MARK3: variants seen among roughly 807,000 people sequenced by gnomAD.
The protein encoded by MARK3 is microtubule affinity regulating kinase 3.
In MARK3, 46 loss-of-function variants were observed where a neutral mutation model predicts 90.1. That is an observed-to-expected ratio of 0.51 (90% CI 0.40 to 0.65). MARK3 has a LOEUF of 0.65. Among genes scored for constraint, MARK3 ranks in the 30% least tolerant of loss-of-function variants. MARK3 has a pLI of 0.00. For synonymous variants in MARK3, 321 were observed against 332.6 expected, an observed-to-expected ratio of 0.97 and a Z score of 0.38; for missense variants, 818 against 947.2, an observed-to-expected ratio of 0.86 and a Z score of 1.79.
rs1228731909 is a variant in MARK3, at chr14:103,386,098, T to C, written c.51+18T>C. ...CTGAAAACGTAAGTAACCTGGGCGT[T>C]GTAGTTGGCGGACCTTCGGGGTGGC... On this transcript the variant is annotated intron_variant, in intron 1 of 17. Transcript: ENST00000429436. 1 of 1,613,840 alleles carries C rather than the reference T, an allele frequency of 6.2e-7. No individual in the cohort carries two copies. The highest frequency in any genetic ancestry group is 8.5e-7 in the Non-Finnish European group (1 of 1,179,684).
intron 16 of MARK3, 141 bp from the exon 17 acceptor site, chr14:103,500,015 A>G (rs1470659215): frequency 1.4e-6 from 1 of 705,166 alleles, no homozygotes; most frequent in Non-Finnish European, 2.5e-6. Context: ...AAGAGTTTTC[A>G]TAAGCCCGGC....
chr14:103,503,208 C>G lies in MARK3; in HGVS notation c.2243C>G (p.Ala748Gly). ...TTCAAAAATATTGCTTCCAAAATTG[C>G]CAATGAGCTAAAGCTGTAACCCAGT... is the stretch of plus-strand genomic sequence containing the variant. ...IAFKNIASKIANELKL is the reference protein window; with the variant it reads ...IAFKNIASKIGNELKL The change falls in exon 18 of 18, where the codon GCC (alanine) becomes GGC (glycine). Residue 748 changes from alanine (A) to glycine (G), a missense_variant. By Grantham distance (60) the Ala-to-Gly change is moderately conservative (BLOSUM62 0). Coordinates refer to ENST00000429436, the MANE Select transcript of MARK3 (RefSeq NM_001128918.3). The G allele has an allele frequency of 6.2e-7, 1 of 1,610,712 alleles. No individual in the cohort carries two copies. Among genetic ancestry groups the G allele is most frequent in the Non-Finnish European group, 8.5e-7 (1 of 1,177,190 alleles).
rs561188228 is a variant in MARK3 at position 103,459,860 on chromosome 14, A to T, written c.484-2545A>T. Reference sequence around the variant, plus strand: ...GAGCTTATAAGTCATAATTACTTTGACTAAGTAAAACAAGTTTTTCTATTT... The same window carrying T: ...GAGCTTATAAGTCATAATTACTTTGTCTAAGTAAAACAAGTTTTTCTATTT... On this transcript the variant is annotated intron_variant, in intron 6 of 17. Transcript: ENST00000429436. Among the ~76,000 whole-genome samples, 130 of 151,828 alleles carry T rather than the reference A, an allele frequency of 8.6e-4. 1 individual carries two copies. Among genetic ancestry groups the T allele is most frequent in the African/African-American group, 3.1e-3 (127 of 41,422 alleles).
At chr14:103,457,269 T>C in intron 6 of MARK3, 57 bp downstream of exon 6, 3 of 1,311,906 alleles carry the variant, frequency 2.3e-6, no homozygotes, top group Non-Finnish European at 3.3e-6. Context: ...ACTTAAACCC[T>C]GAAGCAAACA....
At position 103,466,028 on chromosome 14, in the gene MARK3, A is replaced by G. The variant is rs1441498948; in HGVS notation, c.834A>G (p.Thr278=). ...ACAGAATTCCCTTCTACATGTCTAC[A>G]GACTGTGAAAACCTTCTCAAACGTT... is the stretch of plus-strand genomic sequence containing the variant. The part of the protein sequence containing the change: ...GKYRIPFYMS[T]DCENLLKRFL... The change falls in exon 9 of 18, where the codon ACA becomes ACG. Residue 278 remains threonine, a synonymous_variant. Coordinates refer to ENST00000429436, the MANE Select transcript of MARK3 (RefSeq NM_001128918.3). 1 of 1,614,030 alleles carries G rather than the reference A, an allele frequency of 6.2e-7. No individual in the cohort carries two copies. The highest frequency in any genetic ancestry group is 2.2e-5 in the East Asian group (1 of 44,876).
intron 3 of MARK3, among the ~76,000 whole-genome samples, chr14:103,448,411 C>T (rs1159416312): frequency 2.0e-5 from 3 of 152,158 alleles, no homozygotes; most frequent in Non-Finnish European, 4.4e-5. Flanking sequence ...GTCACCACAA[C>T]CTCCATGCTA....
intron 3 of MARK3, among the ~76,000 whole-genome samples, chr14:103,446,935 G>A (rs1305126535): frequency 6.6e-6 from 1 of 152,014 alleles, no homozygotes. Flanking sequence ...AAGAACTCAG[G>A]CCTGAATGGT....
In MARK3 at chr14:103,468,077, TAA is replaced by T; in HGVS notation, c.1156_1157del (p.Lys386GlyfsTer2). On this transcript the variant is annotated frameshift_variant, in exon 12 of 18. Coordinates refer to ENST00000429436, the MANE Select transcript of MARK3 (RefSeq NM_001128918.3). LOFTEE classifies it high-confidence loss of function. ...GTTCTAGCAGCAATCTTTCACTTGC[TAA>T]GGTTAGGCCGAGCAGTGATCTCAAC... ...SSSSSNLSLA[K>X]VRPSSDLNNS... The T allele has an allele frequency of 1.2e-6, 2 of 1,614,052 alleles. No individual in the cohort carries two copies. The highest frequency in any genetic ancestry group is 1.7e-6 in the Non-Finnish European group (2 of 1,179,972).
chr14:103,421,991 C>T (rs975471217), intron 2 of MARK3, among the ~76,000 whole-genome samples: 3 of 152,190 alleles, frequency 2.0e-5, no homozygotes, highest in Admixed American at 1.3e-4. Context: ...TTCCTTGTCT[C>T]CCAGGATGGC....
chr14:103,401,097 C>T (rs1355063096), intron 1 of MARK3, among the ~76,000 whole-genome samples: 1 of 151,644 alleles, frequency 6.6e-6, no homozygotes, highest in Non-Finnish European at 1.5e-5. Flanking sequence ...GTACTGAGTG[C>T]TGTGGCATAG....
At chr14:103,489,889 C>CT (rs1161733492) in intron 14 of MARK3, 1 of 152,192 alleles carries the variant, frequency 6.6e-6, no homozygotes, top group African/African-American at 2.4e-5. Flanking sequence ...TCCAGCCACT[C>CT]TATCTTACCA....
At chr14:103,465,475 C>T in intron 7 of MARK3, 82 bp from the exon 8 acceptor site, 1 of 944,148 alleles carries the variant, frequency 1.1e-6, no homozygotes, top group Non-Finnish European at 1.7e-6. Context: ...TTACAGAAAG[C>T]TTTTCTAAAA....
intron 4 of MARK3, among the ~76,000 whole-genome samples, chr14:103,450,087 C>T (rs1216898664): frequency 6.6e-6 from 1 of 151,950 alleles, no homozygotes; most frequent in Non-Finnish European, 1.5e-5. Context: ...TTCCTTGTTT[C>T]ATATACTACT....
At chr14:103,454,187 C>G (rs1293643444) in intron 5 of MARK3, among the ~76,000 whole-genome samples, 1 of 151,950 alleles carries the variant, frequency 6.6e-6, no homozygotes, top group Non-Finnish European at 1.5e-5. Context: ...GCTCAGTGCA[C>G]TTGGCAACAT....
At position 103,466,726 on chromosome 14, in the gene MARK3, C is replaced by T. The variant is rs141769677; in HGVS notation, c.997+284C>T. Among the ~76,000 whole-genome samples the T allele has an allele frequency of 2.7e-3, 414 of 152,200 alleles. 2 individuals carry two copies. The highest frequency in any genetic ancestry group is 9.5e-3 in the African/African-American group (396 of 41,520). On this transcript the variant is annotated intron_variant, in intron 10 of 17. Coordinates refer to ENST00000429436, the MANE Select transcript of MARK3 (RefSeq NM_001128918.3). ...ACCCTACAAAAGAATGATTTCTGGC[C>T]GGGCGTGGTGGCTCACGCCTGTAAT...
At position 103,466,489 on chromosome 14, in the gene MARK3, A is replaced by G. The variant is rs746300608; in HGVS notation, c.997+47A>G. 78 of 1,280,786 alleles carry G rather than the reference A, an allele frequency of 6.1e-5. 1 individual carries two copies. The South Asian group carries it at 8.7e-4, about 14-fold the overall frequency. The allele number at this position is 1,280,786 out of a possible 1,614,324, so 79.3% of individuals were successfully genotyped here. A position where few individuals can be genotyped will look rare whatever the true frequency, so the allele number is the denominator to read the frequency against. The stretch of plus-strand genomic sequence containing the variant: ...GTTCATGTGTTTTTGTCTAAGTAAC[A>G]TATTTCTGTTTTGACTCATGTCTGT... On this transcript the variant is annotated intron_variant, in intron 10 of 17. Coordinates refer to ENST00000429436, the MANE Select transcript of MARK3 (RefSeq NM_001128918.3).
chr14:103,448,935 G>A lies in MARK3; in HGVS notation c.314G>A (p.Arg105Lys), dbSNP rs756068457. The A allele has an allele frequency of 6.4e-7, 1 of 1,565,774 alleles. No homozygotes were observed. Among genetic ancestry groups the A allele is most frequent in the East Asian group, 2.3e-5 (1 of 43,892 alleles). Residue 105 changes from arginine (R) to lysine (K), a missense_variant, in exon 4 of 18, where the codon AGA becomes AAA. Transcript: ENST00000429436. ...TTTTTTTAGCTCTTCAGAGAAGTAAGAATAATGAAGATTTTAAATCATCCC... is the reference window on the plus strand; with the variant it reads ...TTTTTTTAGCTCTTCAGAGAAGTAAAAATAATGAAGATTTTAAATCATCCC... Reference protein sequence around the residue: ...TSLQKLFREVRIMKILNHPNI... With the variant: ...TSLQKLFREVKIMKILNHPNI...
chr14:103,416,556 A>T (rs1301050370), intron 2 of MARK3, among the ~76,000 whole-genome samples: 1 of 152,210 alleles, frequency 6.6e-6, no homozygotes, highest in Non-Finnish European at 1.5e-5. Context: ...GGATCACCTG[A>T]TATCAGGAGT....
chr14:103,484,440 T>G (rs2093886024), intron 14 of MARK3, among the ~76,000 whole-genome samples: 1 of 152,242 alleles, frequency 6.6e-6, no homozygotes, highest in African/African-American at 2.4e-5. Flanking sequence ...CCCAAAGTGC[T>G]GTGATTACAG....
Sources: gnomAD v4.1 joint callset for allele counts (sites outside exome capture counted in the v4.1 genomes callset) on GRCh38, gnomAD v4.1.1 for gene constraint, MANE v1.5 for transcripts, NCBI Gene and HGNC (gene_info 2026-07-23, HGNC 2026-07-21) for gene names.